Variants in SHISA9 observed in about 807,000 individuals in gnomAD.
SHISA9 encodes shisa family member 9.
In SHISA9, 13 loss-of-function variants were observed where a neutral mutation model predicts 38.0. That is an observed-to-expected ratio of 0.34 (90% confidence interval 0.22 to 0.54). The LOEUF (loss-of-function observed/expected upper bound fraction) is 0.54. Ranked by LOEUF, SHISA9 falls within the 20% of genes least tolerant of loss-of-function variation. The pLI is 0.91. For synonymous variants in SHISA9, 275 were observed against 242.0 expected, an observed-to-expected ratio of 1.14 and a Z score of -1.27; for missense variants, 538 against 575.8, an observed-to-expected ratio of 0.93 and a Z score of 0.67.
chr16:13,120,957 T>A (rs1217030223), intron 2 of SHISA9, among the ~76,000 whole-genome samples: 4 of 152,068 alleles, frequency 2.6e-5, no homozygotes, highest in African/African-American at 7.2e-5. Context: ...CATATCAGCT[T>A]GTTTCCAGCC....
At chr16:12,995,430 T>C (rs1000258978) in intron 2 of SHISA9, among the ~76,000 whole-genome samples, 6 of 152,178 alleles carry the variant, frequency 3.9e-5, no homozygotes, top group Non-Finnish European at 1.5e-5. Flanking sequence ...GCTGACTCAA[T>C]AGGCATCTGG....
At chr16:13,501,937 G>A in the SHISA9 span, among the ~76,000 whole-genome samples, 201 of 151,938 alleles carry the variant, frequency 1.3e-3, 1 homozygote, top group African/African-American at 4.5e-3. Flanking sequence ...AGGAGGTGGA[G>A]GTTGCAGTGA....
At chr16:13,293,512 T>C in the SHISA9 span, among the ~76,000 whole-genome samples, 13 of 152,198 alleles carry the variant, frequency 8.5e-5, no homozygotes, top group Admixed American at 3.9e-4. Context: ...CAGCCTAACT[T>C]GTAAAATGGA....
Position 13,238,569 on chromosome 16 carries a change from A to G in SHISA9, c.*3160A>G, listed in dbSNP as rs1596761110. ...CCTCTGAATAAACTTCATCAATTGAACTGGGCTCCTTGGGGTCTGCAGTTG... is the reference window on the plus strand; with the variant it reads ...CCTCTGAATAAACTTCATCAATTGAGCTGGGCTCCTTGGGGTCTGCAGTTG... On this transcript the variant is annotated 3_prime_UTR_variant, in exon 5 of 5. Transcript: ENST00000558583. 6.6e-6 allele frequency: 1 copy of G among 152,072 alleles called. No homozygotes were observed. Among genetic ancestry groups the G allele is most frequent in the Non-Finnish European group, 1.5e-5 (1 of 68,052 alleles). The allele number at this position is 152,072 out of a possible 1,614,324, so 9.4% of individuals were successfully genotyped here.
At chr16:13,361,419 A>C in the SHISA9 span, among the ~76,000 whole-genome samples, 3 of 152,182 alleles carry the variant, frequency 2.0e-5, no homozygotes, top group African/African-American at 7.2e-5. Flanking sequence ...GATTTTGTCC[A>C]CTTCTTTCTC....
At chr16:13,056,738 T>G (rs1423049197) in intron 2 of SHISA9, among the ~76,000 whole-genome samples, 1 of 152,116 alleles carries the variant, frequency 6.6e-6, no homozygotes, top group Non-Finnish European at 1.5e-5. Flanking sequence ...GTTCAGTGAG[T>G]CAATGTATGC....
At chr16:13,026,380 T>C (rs2072922505) in intron 2 of SHISA9, among the ~76,000 whole-genome samples, 1 of 152,240 alleles carries the variant, frequency 6.6e-6, no homozygotes. Flanking sequence ...AAGTCTTATC[T>C]ATGTGTCTTA....
chr16:13,486,905 T>C, the SHISA9 span, among the ~76,000 whole-genome samples: 2 of 152,200 alleles, frequency 1.3e-5, no homozygotes, highest in African/African-American at 4.8e-5. Flanking sequence ...GGTTTCTCCA[T>C]GTTAGTCAGG....
At chr16:13,289,364 G>A in the SHISA9 span, among the ~76,000 whole-genome samples, 1 of 151,328 alleles carries the variant, frequency 6.6e-6, no homozygotes, top group Non-Finnish European at 1.5e-5. Context: ...TTTGGTTGGT[G>A]GGGGGGCGGG....
At chr16:13,129,497 A>T (rs1001863934) in intron 2 of SHISA9, among the ~76,000 whole-genome samples, 3 of 152,168 alleles carry the variant, frequency 2.0e-5, no homozygotes, top group African/African-American at 7.2e-5. Flanking sequence ...ACTTCTATCT[A>T]CATTCCATTG....
chr16:13,254,260 G>A, the SHISA9 span, among the ~76,000 whole-genome samples: 4 of 152,206 alleles, frequency 2.6e-5, no homozygotes, highest in East Asian at 1.9e-4. Flanking sequence ...CCAAAGCCAA[G>A]CAGCTAGAAA....
Position 12,933,485 on chromosome 16 carries a change from G to T in SHISA9, c.691+16670G>T, listed in dbSNP as rs552460776. Among the ~76,000 whole-genome samples the T allele has an allele frequency of 1.2e-4, 18 of 152,166 alleles. No homozygotes were observed. In the South Asian group the frequency reaches 3.7e-3, roughly 32 times the overall value. On this transcript the variant is annotated intron_variant, in intron 2 of 4. Transcript: ENST00000558583. ...AATTTTTGTACTTTTAGTAGGATGGGGTTTCTCTGTGTTGGCCAGGCTGGT... is the reference window on the plus strand; with the variant it reads ...AATTTTTGTACTTTTAGTAGGATGGTGTTTCTCTGTGTTGGCCAGGCTGGT...
At chr16:13,463,986 T>G in the SHISA9 span, among the ~76,000 whole-genome samples, 7 of 152,248 alleles carry the variant, frequency 4.6e-5, no homozygotes, top group African/African-American at 1.7e-4. Flanking sequence ...GCAATGCTAA[T>G]TAACAGAAAG....
intron 2 of SHISA9, among the ~76,000 whole-genome samples, chr16:13,184,916 G>A (rs1009277425): frequency 9.2e-5 from 14 of 152,188 alleles, no homozygotes; most frequent in African/African-American, 3.1e-4. Flanking sequence ...CACAGGCTTT[G>A]TGTAAATAAA....
Position 13,235,525 on chromosome 16 carries a change from A to C in SHISA9, c.*116A>C. 8.0e-7 allele frequency: 1 copy of C among 1,253,924 alleles called. No individual in the cohort carries two copies. The highest frequency in any genetic ancestry group is 1.1e-6 in the Non-Finnish European group (1 of 932,234). 77.7% of individuals were successfully genotyped at this position (1,253,924 alleles called of 1,614,324 possible). ...ACATGCGTCCACACACTCACTCTCA[A>C]CAAGAACCAACTCTAAACCTACTGG... On this transcript the variant is annotated 3_prime_UTR_variant, in exon 5 of 5. Coordinates refer to ENST00000558583, the MANE Select transcript of SHISA9 (RefSeq NM_001145204.3).
the SHISA9 span, among the ~76,000 whole-genome samples, chr16:13,275,189 A>G: frequency 6.6e-6 from 1 of 152,114 alleles, no homozygotes; most frequent in Non-Finnish European, 1.5e-5. Context: ...TGTTTCTCTT[A>G]CATAATGAGG....
At chr16:13,146,158 C>T (rs1354218451) in intron 2 of SHISA9, among the ~76,000 whole-genome samples, 1 of 152,158 alleles carries the variant, frequency 6.6e-6, no homozygotes, top group African/African-American at 2.4e-5. Context: ...CCACTGCACT[C>T]CAGGCTGGGT....
At chr16:13,338,771 T>A in the SHISA9 span, among the ~76,000 whole-genome samples, 1 of 152,166 alleles carries the variant, frequency 6.6e-6, no homozygotes, top group Non-Finnish European at 1.5e-5. Flanking sequence ...GAATGTATAG[T>A]AAGCAGAAGC....
intron 2 of SHISA9, among the ~76,000 whole-genome samples, chr16:13,181,294 TATATATATATATATATATAC>T (rs1406509390): frequency 1.8e-3 from 84 of 47,558 alleles, no homozygotes; most frequent in East Asian, 0.013. Context: ...TATATATATA[TATATATATATATATATATAC>T]ACACACACAC....
Sources: allele counts gnomAD v4.1 joint callset (sites outside exome capture counted in the v4.1 genomes callset), GRCh38; gene constraint gnomAD v4.1.1; transcripts MANE v1.5; gene names NCBI Gene and HGNC (gene_info 2026-07-23, HGNC 2026-07-21).